Variants in CWC27 observed in about 807,000 individuals in gnomAD.
The protein encoded by CWC27 is CWC27 spliceosome associated cyclophilin, also known as spliceosome-associated protein CWC27 homolog.
Under a neutral mutation model 63.6 loss-of-function variants are expected in CWC27, and 47 were observed. The ratio of observed to expected loss-of-function variants is 0.74; its 90% CI spans 0.58 to 0.94. The LOEUF is 0.94. Ranked by LOEUF, CWC27 falls within the 40% of genes least tolerant of loss-of-function variation. The pLI is 0.00. For missense variants in CWC27, 495 were observed against 554.3 expected (o/e 0.89, Z 1.07); for synonymous variants, 175 against 179.8 (o/e 0.97, Z 0.22).
In CWC27 at chr5:64,896,940, G is replaced by A. The variant is rs148028308; in HGVS notation, c.1042+11394G>A. ...AATATTGGACAATCAAGCCGCGCACGGTGGCTCATACCTGTAATCCTAGCA... is the reference window on the plus strand; with the variant it reads ...AATATTGGACAATCAAGCCGCGCACAGTGGCTCATACCTGTAATCCTAGCA... On this transcript the variant is annotated intron_variant, in intron 11 of 13. Transcript: ENST00000381070. Among the ~76,000 whole-genome samples, 1,293 of 152,258 alleles carry A rather than the reference G, an allele frequency of 8.5e-3. 19 individuals are homozygous for A. Among genetic ancestry groups the A allele is most frequent in the Middle Eastern group, 0.031 (9 of 294 alleles).
chr5:64,839,295 G>T (rs140700749), intron 10 of CWC27, among the ~76,000 whole-genome samples: 1 of 152,184 alleles, frequency 6.6e-6, no homozygotes, highest in African/African-American at 2.4e-5. Context: ...TGTGATGGCC[G>T]TGTGAAGCAT....
intron 13 of CWC27, among the ~76,000 whole-genome samples, chr5:65,006,727 A>G (rs866019156): frequency 2.0e-5 from 3 of 152,082 alleles, no homozygotes; most frequent in Admixed American, 6.6e-5. Context: ...GTAGGGAAAC[A>G]TAATTTCTCA....
chr5:64,801,520 T>C (rs1744486684), intron 9 of CWC27, among the ~76,000 whole-genome samples, 188 bp downstream of exon 9: 1 of 152,088 alleles, frequency 6.6e-6, no homozygotes, highest in African/African-American at 2.4e-5. Flanking sequence ...TCTAGGGGTG[T>C]GCGTGTGTGT....
At chr5:64,807,509 C>T (rs1363596250) in intron 10 of CWC27, 17 of 1,402,182 alleles carry the variant, frequency 1.2e-5, no homozygotes, top group African/African-American at 4.4e-5. Flanking sequence ...CTTAGAGAAT[C>T]GGCACCCTTA....
intron 11 of CWC27, among the ~76,000 whole-genome samples, chr5:64,934,712 CCCA>C (rs1748309165): frequency 1.3e-5 from 2 of 152,182 alleles, no homozygotes; most frequent in South Asian, 2.1e-4. Context: ...AATCTACACT[CCCA>C]CCAACAGTGT....
chr5:64,827,434 A>G (rs565705214), intron 10 of CWC27, among the ~76,000 whole-genome samples: 1 of 152,222 alleles, frequency 6.6e-6, no homozygotes, highest in South Asian at 2.1e-4. Flanking sequence ...ACTTGACTAT[A>G]AAAAAAGGAC....
At chr5:64,910,309 T>A (rs754173684) in intron 11 of CWC27, among the ~76,000 whole-genome samples, 1 of 152,190 alleles carries the variant, frequency 6.6e-6, no homozygotes, top group Non-Finnish European at 1.5e-5. Context: ...TGCCTGATCC[T>A]TCCTCTGGAA....
At chr5:64,905,931 T>C (rs953435160) in intron 11 of CWC27, among the ~76,000 whole-genome samples, 1 of 152,200 alleles carries the variant, frequency 6.6e-6, no homozygotes, top group Non-Finnish European at 1.5e-5. Flanking sequence ...ATGCGGTGTT[T>C]GGTTTTCTGT....
At chr5:64,900,445 T>G (rs112217739) in intron 11 of CWC27, among the ~76,000 whole-genome samples, 1 of 152,362 alleles carries the variant, frequency 6.6e-6, no homozygotes, top group African/African-American at 2.4e-5. Flanking sequence ...CTTCTTTATA[T>G]TCTTTGGATA....
intron 10 of CWC27, among the ~76,000 whole-genome samples, chr5:64,847,275 C>T (rs1316479822): frequency 2.0e-5 from 3 of 151,992 alleles, no homozygotes; most frequent in Non-Finnish European, 4.4e-5. Flanking sequence ...TAAGTCAAAA[C>T]CCATAAAATG....
chr5:65,007,007 A>G (rs1749857221), intron 13 of CWC27, among the ~76,000 whole-genome samples: 1 of 144,734 alleles, frequency 6.9e-6, no homozygotes, highest in Non-Finnish European at 1.5e-5. Context: ...AGAAAGAAAG[A>G]AAGAAAGAAA....
intron 2 of CWC27, among the ~76,000 whole-genome samples, chr5:64,779,536 A>G (rs547405275): frequency 2.1e-4 from 32 of 152,336 alleles, no homozygotes; most frequent in Admixed American, 1.9e-3. Context: ...TGAAGTTTAT[A>G]TAAAATAGAA....
At chr5:64,916,874 CAGTAGTAGTATTAGTAGTAGTAGT>C (rs1172144485) in intron 11 of CWC27, among the ~76,000 whole-genome samples, 1 of 139,214 alleles carries the variant, frequency 7.2e-6, no homozygotes, top group Non-Finnish European at 1.5e-5. Flanking sequence ...CTTTTGGTGG[CAGTAGTAGTATTAGTAGTAGTAGT>C]AGTAGTAGTA....
At chr5:64,833,648 G>A (rs1745586686) in intron 10 of CWC27, among the ~76,000 whole-genome samples, 1 of 151,666 alleles carries the variant, frequency 6.6e-6, no homozygotes, top group South Asian at 2.1e-4. Flanking sequence ...GATTTATTTG[G>A]AAGTTGGTAA....
At chr5:64,853,570 G>A (rs901651032) in intron 10 of CWC27, among the ~76,000 whole-genome samples, 4 of 152,158 alleles carry the variant, frequency 2.6e-5, no homozygotes, top group Non-Finnish European at 4.4e-5. Flanking sequence ...AGGAAAAGAG[G>A]TTTAATTTGC....
At chr5:64,834,836 A>G (rs1745620036) in intron 10 of CWC27, among the ~76,000 whole-genome samples, 1 of 151,766 alleles carries the variant, frequency 6.6e-6, no homozygotes, top group Non-Finnish European at 1.5e-5. Flanking sequence ...AGCAAGCTTT[A>G]TATTTGGTGA....
At chr5:64,901,457 CA>C (rs539302853) in intron 11 of CWC27, among the ~76,000 whole-genome samples, 4,374 of 72,696 alleles carry the variant, frequency 0.06, 170 homozygotes, top group African/African-American at 0.17. Context: ...GACTCCATCT[CA>C]AAAAAAAAAA....
intron 11 of CWC27, among the ~76,000 whole-genome samples, chr5:64,900,034 TACC>T (rs1177818476): frequency 6.6e-6 from 1 of 152,218 alleles, no homozygotes; most frequent in Non-Finnish European, 1.5e-5. Context: ...TATATAGATA[TACC>T]ACAAGTATTT....
intron 11 of CWC27, among the ~76,000 whole-genome samples, chr5:64,949,607 G>A (rs1580744608): frequency 6.6e-6 from 1 of 151,878 alleles, no homozygotes; most frequent in South Asian, 2.1e-4. Context: ...AGTCCTTTGC[G>A]TGGTATGCAA....
Sources: gnomAD v4.1 joint callset for allele counts (sites outside exome capture counted in the v4.1 genomes callset) on GRCh38, gnomAD v4.1.1 for gene constraint, MANE v1.5 for transcripts, NCBI Gene and HGNC (gene_info 2026-07-23, HGNC 2026-07-21) for gene names.